Variants in SPTAN1 observed in about 807,000 individuals in gnomAD.
SPTAN1 encodes the protein spectrin alpha, non-erythrocytic 1, also known as spectrin alpha chain, non-erythrocytic 1.
A neutral mutation model predicts 331.3 loss-of-function variants in SPTAN1; 61 were observed. The observed-to-expected ratio is 0.18, with a 90% CI of 0.15 to 0.23. The LOEUF is 0.23. SPTAN1 is among the 10% of genes least tolerant of loss of function. The pLI is 1.00. For synonymous variants in SPTAN1, 1,153 were observed against 1,173.9 expected, an observed-to-expected ratio of 0.98 and a Z score of 0.36; for missense variants, 2,043 against 3,147.9, an observed-to-expected ratio of 0.65 and a Z score of 8.40.
rs747830535 is a variant in SPTAN1, at chr9:128,567,019, C to T, written c.237+42C>T. 17 of 1,612,374 alleles carry T rather than the reference C, an allele frequency of 1.1e-5. No homozygotes were observed. The Admixed American group carries it at 2.7e-4, about 25-fold the overall frequency. ...GGGATTCCTGCCAAAATTCAAGAGC[C>T]CAAATGTTCTTACCCAAAAATCAGA... On this transcript the variant is annotated intron_variant, in intron 2 of 56. Coordinates refer to ENST00000372739, the MANE Select transcript of SPTAN1 (RefSeq NM_001130438.3).
chr9:128,621,701 A>C (rs1857878820), intron 45 of SPTAN1: 2 of 259,814 alleles, frequency 7.7e-6, no homozygotes. Flanking sequence ...ACAGCCGCAG[A>C]CTCCCGTTTA....
intron 45 of SPTAN1, 140 bp from the exon 46 acceptor site, chr9:128,624,188 A>G (rs1858381102): frequency 1.1e-6 from 1 of 881,864 alleles, no homozygotes; most frequent in Admixed American, 2.0e-5. Flanking sequence ...CAAAAGCCTT[A>G]CCCTATCATT....
intron 20 of SPTAN1, among the ~76,000 whole-genome samples, chr9:128,588,204 G>A (rs1852926717): frequency 6.6e-6 from 1 of 151,642 alleles, no homozygotes; most frequent in South Asian, 2.1e-4. Flanking sequence ...CACTATGTTG[G>A]CCGGGCTGGT....
chr9:128,583,958 G>T lies in SPTAN1; in HGVS notation c.2182G>T (p.Ala728Ser), dbSNP rs778118274. The T allele has an allele frequency of 6.2e-7, 1 of 1,614,066 alleles. No homozygotes were observed. Among genetic ancestry groups the T allele is most frequent in the Non-Finnish European group, 8.5e-7 (1 of 1,180,034 alleles). Residue 728 changes from alanine to serine, a missense_variant, in exon 16 of 57, where the codon GCT becomes TCT. Around this residue, in one of 12 missense-constraint regions of SPTAN1, gnomAD observed 1,038 missense variants for 1,531.5 expected, o/e 0.68. Transcript: ENST00000372739. ...KKHALLEADV[A>S]AHQDRIDGIT... ...ACATGCACTGCTAGAGGCAGATGTG[G>T]CTGCTCACCAGGTAGTGTGAACTGG...
chr9:128,600,200 T>C lies in SPTAN1; in HGVS notation c.3579+85T>C, dbSNP rs1854924381. ...CTTTTCTGGTGTGCCTTTCTCTGAA[T>C]ATTCAGCTTAAGTCTTTAGTCATTT... On this transcript the variant is annotated intron_variant, in intron 27 of 56. Coordinates refer to ENST00000372739, the MANE Select transcript of SPTAN1 (RefSeq NM_001130438.3). The C allele has an allele frequency of 5.6e-6, 8 of 1,440,000 alleles. No homozygotes were observed. The South Asian group carries it at 9.1e-5, about 16-fold the overall frequency. 89.2% of individuals were successfully genotyped at this position (1,440,000 alleles called of 1,614,324 possible).
At chr9:128,630,299 C>T in intron 51 of SPTAN1, 22 bp from the exon 52 acceptor site, 4 of 1,613,916 alleles carry the variant, frequency 2.5e-6, no homozygotes, top group Non-Finnish European at 3.4e-6. Context: ...GGCCCCTTTC[C>T]TCACTGTCCT....
chr9:128,585,691 CCTT>C lies in SPTAN1; in HGVS notation c.2561-54_2561-52del, dbSNP rs2131191478. ...ACACACAGAGAAAACTTATTTTTGT[CCTT>C]CTGTGATGTGTCAACGTAGTTTTTG... On this transcript the variant is annotated intron_variant, in intron 18 of 56. Coordinates refer to ENST00000372739, the MANE Select transcript of SPTAN1 (RefSeq NM_001130438.3). The C allele has an allele frequency of 2.1e-6, 3 of 1,415,468 alleles. No individual in the cohort carries two copies. The South Asian group carries it at 3.5e-5, about 16-fold the overall frequency. 87.7% of individuals were successfully genotyped at this position (1,415,468 alleles called of 1,614,324 possible). A position where few individuals can be genotyped will look rare whatever the true frequency, so the allele number is the denominator to read the frequency against.
intron 31 of SPTAN1, 64 bp downstream of exon 31, chr9:128,605,541 T>C: frequency 6.3e-7 from 1 of 1,594,164 alleles, no homozygotes; most frequent in Admixed American, 1.7e-5. Flanking sequence ...GTCATTTTTA[T>C]TGTGAAAATA....
intron 10 of SPTAN1, among the ~76,000 whole-genome samples, chr9:128,580,682 T>C (rs1049927422): frequency 7.9e-5 from 12 of 152,304 alleles, no homozygotes; most frequent in Admixed American, 7.2e-4. Flanking sequence ...ACTTACTGTT[T>C]TTACCTAAAG....
At chr9:128,591,372 G>A (rs917860580) in intron 21 of SPTAN1, 105 bp from the exon 22 acceptor site, 144 of 1,503,482 alleles carry the variant, frequency 9.6e-5, no homozygotes, top group Non-Finnish European at 1.3e-4. Context: ...GGCCGTTTTG[G>A]ACCTCTTAAA....
chr9:128,559,754 C>T (rs1197718955), intron 1 of SPTAN1, among the ~76,000 whole-genome samples: 2 of 148,614 alleles, frequency 1.3e-5, no homozygotes, highest in African/African-American at 2.5e-5. Context: ...TTTTTTGAGA[C>T]GGACTCTTGC....
rs754829676 is a variant in SPTAN1, at chr9:128,608,861, T to C, written c.4492-13T>C. ...CAGGCCCACCTTGATCTCATGCCTT[T>C]GTTTTCTGACAGGAAGAGAAGATTG... On this transcript the variant is annotated splice_polypyrimidine_tract_variant and intron_variant, in intron 34 of 56. Transcript: ENST00000372739. 1.2e-6 allele frequency: 2 copies of C among 1,613,334 alleles called. No individual in the cohort carries two copies. The highest frequency in any genetic ancestry group is 1.7e-5 in the Admixed American group (1 of 60,014).
Position 128,626,474 on chromosome 9 carries a change from C to T in SPTAN1, c.6363C>T (p.Asp2121=). 6.2e-7 allele frequency: 1 copy of T among 1,614,146 alleles called. No individual in the cohort carries two copies. The highest frequency in any genetic ancestry group is 8.5e-7 in the Non-Finnish European group (1 of 1,180,026). Residue 2121 remains aspartate, a synonymous_variant, in exon 49 of 57, where the codon GAC becomes GAT. Coordinates refer to ENST00000372739, the MANE Select transcript of SPTAN1 (RefSeq NM_001130438.3). ...AAAATGCAGAGGAGGACTTAACAGA[C>T]CCCGTGCGCTGCAACTCCTTGGAAG... is the stretch of plus-strand genomic sequence containing the variant. ...WFENAEEDLT[D]PVRCNSLEEI...
Position 128,625,030 on chromosome 9 carries a change from G to A in SPTAN1, c.5993-73G>A. 1 of 1,441,134 alleles carries A rather than the reference G, an allele frequency of 6.9e-7. No individual in the cohort carries two copies. Among genetic ancestry groups the A allele is most frequent in the South Asian group, 1.1e-5 (1 of 87,566 alleles). The allele number at this position is 1,441,134 out of a possible 1,614,324, so 89.3% of individuals were successfully genotyped here. On this transcript the variant is annotated intron_variant, in intron 46 of 56. Transcript: ENST00000372739. The surrounding 1 kb of genome is among the most constrained non-coding windows in gnomAD (Gnocchi z 4.1). ...CTGTACACAAAAAATGGTTTGTCTG[G>A]GTTTTGATGTTTTTCCTTTCTAATC...
rs1328191308 is a variant in SPTAN1, at chr9:128,587,685, C to T, written c.2858C>T (p.Ala953Val). The stretch of plus-strand genomic sequence containing the variant: ...AGCATCCAGGCTTTGCGAGAACAAG[C>T]ACAGTCCTGCCGGGTAAACTTGTAA... ...GSSIQALREQ[A>V]QSCRQQVAPT... Residue 953 changes from alanine (A) to valine (V), a missense_variant, in exon 20 of 57, where the codon GCA (alanine) becomes GTA (valine). By Grantham distance (64) the Ala-to-Val change is moderately conservative. This residue lies in a region of SPTAN1 where 1,038 missense variants were observed against 1,531.5 expected (regional missense o/e 0.68). Coordinates refer to ENST00000372739, the MANE Select transcript of SPTAN1 (RefSeq NM_001130438.3). 1 of 1,614,012 alleles carries T rather than the reference C, an allele frequency of 6.2e-7. No homozygotes were observed. Among genetic ancestry groups the T allele is most frequent in the African/African-American group, 1.3e-5 (1 of 75,030 alleles).
chr9:128,630,348 C>T lies in SPTAN1; in HGVS notation c.6735C>T (p.Thr2245=). The T allele has an allele frequency of 6.2e-7, 1 of 1,612,670 alleles. No homozygotes were observed. Among genetic ancestry groups the T allele is most frequent in the Non-Finnish European group, 8.5e-7 (1 of 1,179,974 alleles). Reference sequence around the variant, plus strand: ...CCTGTATGGTGGAAGAGTCGGGGACCCTCGAATCCCAGCTTGAAGCTACCA... The same window carrying T: ...CCTGTATGGTGGAAGAGTCGGGGACTCTCGAATCCCAGCTTGAAGCTACCA... The part of the protein sequence containing the change: ...DGSCMVEESG[T]LESQLEATKR... Residue 2245 remains threonine (T), a synonymous_variant, in exon 52 of 57, where the codon ACC becomes ACT. Coordinates refer to ENST00000372739, the MANE Select transcript of SPTAN1 (RefSeq NM_001130438.3).
chr9:128,591,707 C>G, intron 22 of SPTAN1, 82 bp downstream of exon 22: 1 of 1,574,386 alleles, frequency 6.4e-7, no homozygotes, highest in Non-Finnish European at 8.7e-7. Flanking sequence ...TTAGGCGTGT[C>G]CTGAGGCTCC....
Position 128,604,329 on chromosome 9 carries a change from C to T in SPTAN1, c.3631C>T (p.Leu1211=). 6.2e-7 allele frequency: 1 copy of T among 1,613,990 alleles called. No individual in the cohort carries two copies. The highest frequency in any genetic ancestry group is 8.5e-7 in the Non-Finnish European group (1 of 1,179,946). Residue 1211 remains leucine, a synonymous_variant, in exon 29 of 57, where the codon CTG becomes TTG. Transcript: ENST00000372739. ...TVATFNSIKE[L]NERWRSLQQL... is the part of the protein sequence containing the mutation. The stretch of plus-strand genomic sequence containing the variant: ...CTGATGTTTTGCTGTCCTGCAGGAG[C>T]TGAATGAGCGCTGGCGGTCCCTACA...
intron 22 of SPTAN1, among the ~76,000 whole-genome samples, chr9:128,592,512 A>G (rs1442346940): frequency 6.6e-6 from 1 of 152,158 alleles, no homozygotes; most frequent in Non-Finnish European, 1.5e-5. Context: ...TGACCTCGTG[A>G]TCCGCCCGCC....
Sources: allele counts gnomAD v4.1 joint callset (sites outside exome capture counted in the v4.1 genomes callset), GRCh38; gene constraint gnomAD v4.1.1; regional missense constraint gnomAD v4.1.1; non-coding constraint Gnocchi (gnomAD v3.1); transcripts MANE v1.5; gene names NCBI Gene and HGNC (gene_info 2026-07-23, HGNC 2026-07-21).